The following MAD1L1 variants were observed in gnomAD, a reference collection of about 807,000 sequenced individuals.
MAD1L1 encodes mitotic spindle assembly checkpoint protein MAD1.
MAD1L1 carries 95 observed loss-of-function variants against 96.9 expected under a neutral mutation model. That is an observed-to-expected ratio of 0.98 (90% CI 0.83 to 1.16). The LOEUF (loss-of-function observed/expected upper bound fraction) is 1.16. Ranked by LOEUF, MAD1L1 falls within the 50% of genes most tolerant of loss-of-function variation. The probability of loss-of-function intolerance (pLI) is 0.00; values close to 1 mark genes in which losing one functional copy is unlikely to be tolerated. For missense variants in MAD1L1, 1,007 were observed against 954.4 expected (o/e 1.06, Z -0.73); for synonymous variants, 473 against 396.6 (o/e 1.19, Z -2.29).
chr7:1,818,263 G>A (rs535402494), intron 18 of MAD1L1, among the ~76,000 whole-genome samples: 12 of 152,276 alleles, frequency 7.9e-5, no homozygotes, highest in East Asian at 1.9e-4. Context: ...CAACCTGGCT[G>A]GGCCTGACGC....
At chr7:2,154,795 G>A (rs949227905) in intron 10 of MAD1L1, among the ~76,000 whole-genome samples, 1 of 152,148 alleles carries the variant, frequency 6.6e-6, no homozygotes, top group Non-Finnish European at 1.5e-5. Flanking sequence ...ACATTTCTGA[G>A]GCCACAAAGG....
chr7:1,878,063 C>T (rs1785474896), intron 18 of MAD1L1, among the ~76,000 whole-genome samples: 1 of 151,752 alleles, frequency 6.6e-6, no homozygotes, highest in Non-Finnish European at 1.5e-5. Flanking sequence ...GATTTTATGC[C>T]AATAAATTTG....
At chr7:2,095,108 T>C (rs1786416551) in intron 11 of MAD1L1, among the ~76,000 whole-genome samples, 1 of 152,126 alleles carries the variant, frequency 6.6e-6, no homozygotes, top group Non-Finnish European at 1.5e-5. Flanking sequence ...AGTGGCTCCA[T>C]CTCAGCTCAC....
intron 15 of MAD1L1, among the ~76,000 whole-genome samples, chr7:1,976,790 T>C (rs956269908): frequency 2.6e-5 from 4 of 152,168 alleles, no homozygotes; most frequent in Non-Finnish European, 5.9e-5. Context: ...TTTACAAACC[T>C]TGAGGTAGAC....
intron 12 of MAD1L1, among the ~76,000 whole-genome samples, chr7:2,030,589 C>T (rs1041408046): frequency 6.6e-6 from 1 of 152,188 alleles, no homozygotes; most frequent in African/African-American, 2.4e-5. Context: ...GTGGCCGGAC[C>T]CCGCAGGAGT....
chr7:1,856,487 G>T (rs10264261), intron 18 of MAD1L1, among the ~76,000 whole-genome samples: 3 of 152,344 alleles, frequency 2.0e-5, no homozygotes, highest in Admixed American at 2.0e-4. Context: ...CACAGCCCCC[G>T]CTGGCCAGCT....
At chr7:2,115,650 C>T (rs893308045) in intron 11 of MAD1L1, among the ~76,000 whole-genome samples, 1 of 152,240 alleles carries the variant, frequency 6.6e-6, no homozygotes, top group South Asian at 2.1e-4. Context: ...CTCCACATGG[C>T]GTGTCAATGC....
chr7:1,970,953 C>T (rs967825821), intron 15 of MAD1L1, among the ~76,000 whole-genome samples: 1 of 152,224 alleles, frequency 6.6e-6, no homozygotes, highest in African/African-American at 2.4e-5. Context: ...TTAAATGAAT[C>T]CCTTCCATTG....
In MAD1L1 at chr7:2,182,127, A is replaced by C. The variant is rs545769068; in HGVS notation, c.986+31085T>G. On this transcript the variant is annotated intron_variant, in intron 10 of 18. Coordinates refer to ENST00000265854, the MANE Select transcript of MAD1L1 (RefSeq NM_001013836.2). ...CACGTTCCCCAAAAACTATTGAAATAAAAAATAAAATCCCATTAAAAAAAT... is the reference window on the plus strand; with the variant it reads ...CACGTTCCCCAAAAACTATTGAAATCAAAAATAAAATCCCATTAAAAAAAT... Among the ~76,000 whole-genome samples the C allele has an allele frequency of 1.8e-4, 27 of 152,300 alleles. No individual in the cohort carries two copies. In the South Asian group the frequency reaches 5.6e-3, roughly 32 times the overall value.
intron 17 of MAD1L1, among the ~76,000 whole-genome samples, chr7:1,929,482 G>C (rs141849164): frequency 6.6e-6 from 1 of 152,152 alleles, no homozygotes; most frequent in Admixed American, 6.5e-5. Flanking sequence ...GGCCCGTGCC[G>C]ATGGCAAGGG....
At chr7:2,063,157 T>C (rs577076430) in intron 12 of MAD1L1, among the ~76,000 whole-genome samples, 70 of 152,126 alleles carry the variant, frequency 4.6e-4, no homozygotes, top group Non-Finnish European at 8.1e-4. Flanking sequence ...TTGAGCTGTA[T>C]GTATATGTTC....
chr7:1,853,167 C>A (rs539335759), intron 18 of MAD1L1, among the ~76,000 whole-genome samples: 3 of 152,184 alleles, frequency 2.0e-5, no homozygotes, highest in Non-Finnish European at 4.4e-5. Flanking sequence ...GGCCCTGATG[C>A]GGAAGGGACT....
intron 17 of MAD1L1, among the ~76,000 whole-genome samples, chr7:1,931,838 C>T (rs1789498224): frequency 6.6e-6 from 1 of 152,242 alleles, no homozygotes; most frequent in South Asian, 2.1e-4. Context: ...GGTCGTCCTG[C>T]TTCCCACGCA....
At chr7:1,834,293 T>C (rs1782843534) in intron 18 of MAD1L1, among the ~76,000 whole-genome samples, 2 of 151,614 alleles carry the variant, frequency 1.3e-5, no homozygotes, top group Admixed American at 6.6e-5. Flanking sequence ...TTAGACAAAG[T>C]AAGCAGAAGA....
chr7:1,897,500 G>T (rs560668696), intron 18 of MAD1L1, among the ~76,000 whole-genome samples: 21 of 152,280 alleles, frequency 1.4e-4, no homozygotes, highest in African/African-American at 5.1e-4. Flanking sequence ...TTAGCTCACC[G>T]GGGCAGTGAT....
At chr7:2,057,427 C>A (rs1784427807) in intron 12 of MAD1L1, among the ~76,000 whole-genome samples, 1 of 152,164 alleles carries the variant, frequency 6.6e-6, no homozygotes, top group Non-Finnish European at 1.5e-5. Context: ...GAGGGGAGAA[C>A]TGCTTGAACC....
chr7:1,990,039 T>G (rs1163212778), intron 14 of MAD1L1, among the ~76,000 whole-genome samples: 1 of 152,204 alleles, frequency 6.6e-6, no homozygotes, highest in Non-Finnish European at 1.5e-5. Context: ...AGGAGCTGGG[T>G]AACTCCCCCC....
intron 11 of MAD1L1, among the ~76,000 whole-genome samples, chr7:2,079,209 C>T (rs1173697674): frequency 6.6e-6 from 1 of 152,178 alleles, no homozygotes; most frequent in Non-Finnish European, 1.5e-5. Flanking sequence ...AGCCCTCCTC[C>T]CTGGGGGGCA....
chr7:1,828,431 T>G (rs1017013686), intron 18 of MAD1L1, among the ~76,000 whole-genome samples: 2 of 151,756 alleles, frequency 1.3e-5, no homozygotes, highest in South Asian at 2.1e-4. Context: ...CCTGGAGCAT[T>G]AGAGAGAAAA....
Sources: allele counts gnomAD v4.1 joint callset (sites outside exome capture counted in the v4.1 genomes callset), GRCh38; gene constraint gnomAD v4.1.1; transcripts MANE v1.5; gene names NCBI Gene and HGNC (gene_info 2026-07-23, HGNC 2026-07-21).